The following TMEM163 variants were observed in gnomAD, a reference collection of about 807,000 sequenced individuals.
TMEM163 encodes transmembrane protein 163.
In TMEM163, 17 loss-of-function variants were observed where a neutral mutation model predicts 29.3. The observed-to-expected ratio is 0.58, with a 90% CI of 0.40 to 0.87. The LOEUF (loss-of-function observed/expected upper bound fraction) is 0.87. Ranked by LOEUF, TMEM163 falls within the 40% of genes least tolerant of loss-of-function variation. The pLI is 0.00. For missense variants in TMEM163, 303 were observed against 381.5 expected (o/e 0.79, Z 1.71); for synonymous variants, 157 against 160.6 (o/e 0.98, Z 0.17).
intron 2 of TMEM163, among the ~76,000 whole-genome samples, chr2:134,616,066 G>A (rs941553499): frequency 1.3e-5 from 2 of 152,120 alleles, no homozygotes; most frequent in African/African-American, 2.4e-5. Context: ...AGTATGATTC[G>A]GGAGGTAAAG....
chr2:134,551,993 T>C (rs1680940622), intron 3 of TMEM163, 55 bp downstream of exon 3: 1 of 1,511,358 alleles, frequency 6.6e-7, no homozygotes, highest in East Asian at 2.3e-5. Context: ...GTGAGGTTTA[T>C]GGGCTTATGA....
At chr2:134,457,941 C>T in intron 7 of TMEM163, 91 bp downstream of exon 7, 2 of 1,584,660 alleles carry the variant, frequency 1.3e-6, no homozygotes, top group Non-Finnish European at 1.7e-6. Context: ...ATATGACCTT[C>T]AGAAGCCTGT....
intron 2 of TMEM163, among the ~76,000 whole-genome samples, chr2:134,569,779 T>C (rs1681379872): frequency 6.6e-6 from 1 of 152,216 alleles, no homozygotes; most frequent in Admixed American, 6.5e-5. Flanking sequence ...GTCTGCAGTT[T>C]GTTACTCACA....
intron 2 of TMEM163, among the ~76,000 whole-genome samples, chr2:134,697,151 T>C (rs1205458861): frequency 6.6e-6 from 1 of 152,176 alleles, no homozygotes; most frequent in East Asian, 1.9e-4. Flanking sequence ...ATGTAAACTA[T>C]AATATCCACA....
At chr2:134,507,839 GGA>G (rs1234815632) in intron 4 of TMEM163, among the ~76,000 whole-genome samples, 3 of 151,904 alleles carry the variant, frequency 2.0e-5, no homozygotes, top group African/African-American at 4.8e-5. Flanking sequence ...TCTGGGTGAT[GGA>G]GAGAGACCCT....
chr2:134,573,563 A>G (rs1262177717), intron 2 of TMEM163, among the ~76,000 whole-genome samples: 1 of 152,134 alleles, frequency 6.6e-6, no homozygotes, highest in Non-Finnish European at 1.5e-5. Flanking sequence ...GGCCCCAAAT[A>G]CCAATAGCAC....
chr2:134,706,593 A>T (rs1319041492), intron 2 of TMEM163, among the ~76,000 whole-genome samples: 1 of 152,214 alleles, frequency 6.6e-6, no homozygotes, highest in East Asian at 1.9e-4. Context: ...GTGATCTTTC[A>T]TCTTGATCTT....
rs1265958208 is a variant in TMEM163, at chr2:134,563,163, T to C, written c.323-11072A>G. ...GCTCAGACAGACACCGATACAAGAATCAGACACCACCATTCCATCAACGAG... is the reference window on the plus strand; with the variant it reads ...GCTCAGACAGACACCGATACAAGAACCAGACACCACCATTCCATCAACGAG... On this transcript the variant is annotated intron_variant, in intron 2 of 7. Transcript: ENST00000281924. Among the ~76,000 whole-genome samples, 6 of 152,094 alleles carry C rather than the reference T, an allele frequency of 3.9e-5. No homozygotes were observed. The East Asian group carries it at 1.2e-3, about 29-fold the overall frequency.
In TMEM163 at chr2:134,520,512, T is replaced by C. The variant is rs139374728; in HGVS notation, c.459-17515A>G. Among the ~76,000 whole-genome samples the C allele has an allele frequency of 3.7e-3, 559 of 152,370 alleles. 2 individuals are homozygous for C. The highest frequency in any genetic ancestry group is 0.013 in the African/African-American group (520 of 41,582). On this transcript the variant is annotated intron_variant, in intron 4 of 7. Transcript: ENST00000281924. ...GTCTGTATGATTGTAGTACTACTGT[T>C]GTGAGTTAATCCACATGCGGGTCTT...
chr2:134,521,445 C>T (rs1236362818), intron 4 of TMEM163, among the ~76,000 whole-genome samples: 1 of 152,186 alleles, frequency 6.6e-6, no homozygotes, highest in African/African-American at 2.4e-5. Context: ...CTACTGGCCT[C>T]TGGTGAGTAG....
intron 4 of TMEM163, among the ~76,000 whole-genome samples, chr2:134,537,017 T>C (rs1680557046): frequency 6.6e-6 from 1 of 152,078 alleles, no homozygotes; most frequent in Admixed American, 6.5e-5. Context: ...TAAGGGAAAA[T>C]AGGGCAGATC....
At chr2:134,630,922 A>G (rs1334932446) in intron 2 of TMEM163, among the ~76,000 whole-genome samples, 1 of 152,144 alleles carries the variant, frequency 6.6e-6, no homozygotes, top group Non-Finnish European at 1.5e-5. Flanking sequence ...CACCACAAAC[A>G]CACACACAAT....
intron 2 of TMEM163, among the ~76,000 whole-genome samples, chr2:134,680,289 C>A (rs1684200921): frequency 6.6e-6 from 1 of 151,702 alleles, no homozygotes; most frequent in Non-Finnish European, 1.5e-5. Context: ...TATTTACCCT[C>A]AAGGGATAGA....
At chr2:134,666,929 C>T (rs539677369) in intron 2 of TMEM163, among the ~76,000 whole-genome samples, 1 of 152,258 alleles carries the variant, frequency 6.6e-6, no homozygotes, top group South Asian at 2.1e-4. Context: ...GGGAGGATGT[C>T]GTCTTCTCCA....
At chr2:134,577,928 CG>C (rs1681601949) in intron 2 of TMEM163, among the ~76,000 whole-genome samples, 1 of 152,050 alleles carries the variant, frequency 6.6e-6, no homozygotes, top group Non-Finnish European at 1.5e-5. Flanking sequence ...TTAAAGTATA[CG>C]GGAGGATGTG....
At chr2:134,509,612 C>A (rs1398254957) in intron 4 of TMEM163, among the ~76,000 whole-genome samples, 1 of 152,232 alleles carries the variant, frequency 6.6e-6, no homozygotes, top group East Asian at 1.9e-4. Context: ...CAGTCACTCA[C>A]ATTTTAAGTT....
At chr2:134,618,890 T>C (rs528470569) in intron 2 of TMEM163, among the ~76,000 whole-genome samples, 1 of 152,012 alleles carries the variant, frequency 6.6e-6, no homozygotes, top group Non-Finnish European at 1.5e-5. Flanking sequence ...ATGCTTACAT[T>C]AGAAAAGAAA....
chr2:134,492,253 C>G (rs1679446357), intron 5 of TMEM163, among the ~76,000 whole-genome samples: 1 of 152,190 alleles, frequency 6.6e-6, no homozygotes, highest in African/African-American at 2.4e-5. Context: ...CTTCACAGCA[C>G]CTTACAATAT....
At chr2:134,461,555 C>T (rs1001397064) in intron 6 of TMEM163, among the ~76,000 whole-genome samples, 1 of 152,206 alleles carries the variant, frequency 6.6e-6, no homozygotes, top group African/African-American at 2.4e-5. Context: ...AAGCAAGCTT[C>T]AGCCCAGTCC....
Sources: gnomAD v4.1 joint callset for allele counts (sites outside exome capture counted in the v4.1 genomes callset) on GRCh38, gnomAD v4.1.1 for gene constraint, MANE v1.5 for transcripts, NCBI Gene and HGNC (gene_info 2026-07-23, HGNC 2026-07-21) for gene names.